SEL1L3: variants seen among roughly 807,000 people sequenced by gnomAD.
The protein encoded by SEL1L3 is protein sel-1 homolog 3.
In SEL1L3, 76 loss-of-function variants were observed where a neutral mutation model predicts 142.8. The ratio of observed to expected loss-of-function variants is 0.53; its 90% CI spans 0.44 to 0.64. SEL1L3 has a LOEUF of 0.64. SEL1L3 is among the 30% of genes least tolerant of loss of function. The pLI is 0.00. For synonymous variants in SEL1L3, 504 were observed against 519.6 expected (o/e 0.97, Z 0.41); for missense variants, 1,262 against 1,381.7 (o/e 0.91, Z 1.37).
intron 16 of SEL1L3, chr4:25,777,742 G>A (rs1320149895): frequency 4.5e-6 from 2 of 441,218 alleles, no homozygotes; most frequent in East Asian, 1.4e-4. Context: ...AAATAACAAT[G>A]ATAAAAAACT....
chr4:25,794,698 G>A (rs1185490988), intron 11 of SEL1L3, among the ~76,000 whole-genome samples: 3 of 152,132 alleles, frequency 2.0e-5, no homozygotes, highest in Admixed American at 6.6e-5. Context: ...ATTTGACCCA[G>A]CAATCCCATT....
At chr4:25,776,050 G>A (rs1719593417) in intron 17 of SEL1L3, among the ~76,000 whole-genome samples, 1 of 152,234 alleles carries the variant, frequency 6.6e-6, no homozygotes, top group Non-Finnish European at 1.5e-5. Flanking sequence ...TCAACTTGAT[G>A]AGTGTGAACA....
downstream of SEL1L3, among the ~76,000 whole-genome samples, chr4:25,743,152 A>T (rs1442270344): frequency 1.3e-5 from 2 of 152,236 alleles, no homozygotes; most frequent in Non-Finnish European, 2.9e-5. Context: ...CAACAATGAA[A>T]GCCCAGTTTT....
chr4:25,730,334 A>G, the SEL1L3 span, among the ~76,000 whole-genome samples: 1 of 151,988 alleles, frequency 6.6e-6, no homozygotes, highest in Non-Finnish European at 1.5e-5. Context: ...TTGTCTATGA[A>G]CTAACTTTTA....
At chr4:25,856,345 T>C (rs1323186004) in intron 1 of SEL1L3, among the ~76,000 whole-genome samples, 1 of 151,936 alleles carries the variant, frequency 6.6e-6, no homozygotes, top group African/African-American at 2.4e-5. Flanking sequence ...AGCAAGATAT[T>C]TGGGGTGAAG....
chr4:25,786,081 C>T (rs560462014), intron 13 of SEL1L3, among the ~76,000 whole-genome samples: 2 of 152,270 alleles, frequency 1.3e-5, no homozygotes, highest in South Asian at 4.1e-4. Context: ...TAACTATCCA[C>T]TGAGTGAATG....
chr4:25,845,676 T>A (rs1716461135), intron 2 of SEL1L3, among the ~76,000 whole-genome samples: 2 of 150,870 alleles, frequency 1.3e-5, no homozygotes, highest in East Asian at 3.9e-4. Context: ...CCAACAGAAA[T>A]CACATCCCAG....
At chr4:25,812,174 C>T (rs2109242096) in intron 9 of SEL1L3, among the ~76,000 whole-genome samples, 1 of 152,178 alleles carries the variant, frequency 6.6e-6, no homozygotes, top group South Asian at 2.1e-4. Context: ...TATGACCACA[C>T]ATGGCGTGTT....
At chr4:25,829,959 C>G (rs944237293) in intron 6 of SEL1L3, 139 bp downstream of exon 6, 1 of 632,152 alleles carries the variant, frequency 1.6e-6, no homozygotes, top group Non-Finnish European at 2.8e-6. Flanking sequence ...CAAAGACTAG[C>G]TACAGGGCAG....
intron 20 of SEL1L3, among the ~76,000 whole-genome samples, chr4:25,765,031 G>A (rs1208887612): frequency 6.6e-6 from 1 of 152,110 alleles, no homozygotes; most frequent in Non-Finnish European, 1.5e-5. Context: ...GTCTTGCTCT[G>A]TCACCCAGGC....
chr4:25,797,635 C>T (rs955260099), intron 11 of SEL1L3, among the ~76,000 whole-genome samples: 1 of 152,154 alleles, frequency 6.6e-6, no homozygotes, highest in African/African-American at 2.4e-5. Flanking sequence ...CCATCAAGAA[C>T]GAAACACGGG....
chr4:25,828,722 T>C (rs1302480151), intron 6 of SEL1L3, among the ~76,000 whole-genome samples: 3 of 152,080 alleles, frequency 2.0e-5, no homozygotes, highest in Non-Finnish European at 4.4e-5. Context: ...AAGTAGCATA[T>C]ATGGCCCTCT....
downstream of SEL1L3, among the ~76,000 whole-genome samples, chr4:25,742,877 G>A (rs1717160215): frequency 6.6e-6 from 1 of 152,126 alleles, no homozygotes; most frequent in African/African-American, 2.4e-5. Context: ...GACTACCAGA[G>A]TACCGCTTCC....
At chr4:25,794,858 T>G (rs1712602596) in intron 11 of SEL1L3, among the ~76,000 whole-genome samples, 1 of 152,092 alleles carries the variant, frequency 6.6e-6, no homozygotes, top group Non-Finnish European at 1.5e-5. Flanking sequence ...ATATACACCA[T>G]GAAATACTAT....
intron 9 of SEL1L3, among the ~76,000 whole-genome samples, chr4:25,810,066 G>T (rs762849607): frequency 6.6e-6 from 1 of 152,218 alleles, no homozygotes; most frequent in Non-Finnish European, 1.5e-5. Flanking sequence ...TGAAAGGGGC[G>T]CAGATGGTGT....
chr4:25,761,292 A>G lies in SEL1L3; in HGVS notation c.2956-2224T>C, dbSNP rs564448183. 3.9e-5 allele frequency among the ~76,000 whole-genome samples: 6 copies of G among 152,208 alleles called. No homozygotes were observed. The South Asian group carries it at 1.0e-3, about 26-fold the overall frequency. ...TGCCTCAGCCTCCTGAGTAGCTGGG[A>G]TTACAGGTGCCCACAGCCACGCATG... is the stretch of plus-strand genomic sequence containing the variant. On this transcript the variant is annotated intron_variant, in intron 20 of 23. Transcript: ENST00000399878.
At chr4:25,854,541 G>A (rs1560362034) in intron 1 of SEL1L3, among the ~76,000 whole-genome samples, 1 of 152,234 alleles carries the variant, frequency 6.6e-6, no homozygotes, top group Non-Finnish European at 1.5e-5. Context: ...GCCTTCCAAA[G>A]TGCTGGGATT....
chr4:25,834,279 T>G (rs960735253), intron 3 of SEL1L3, among the ~76,000 whole-genome samples: 2 of 152,200 alleles, frequency 1.3e-5, no homozygotes, highest in Non-Finnish European at 2.9e-5. Flanking sequence ...AGATATGTGA[T>G]CCATCAATCA....
chr4:25,766,836 C>T (rs757098016), intron 19 of SEL1L3, among the ~76,000 whole-genome samples: 1 of 152,160 alleles, frequency 6.6e-6, no homozygotes, highest in Non-Finnish European at 1.5e-5. Context: ...CCTCTTATTG[C>T]CTGAAAGGAA....
Sources: allele counts gnomAD v4.1 joint callset (sites outside exome capture counted in the v4.1 genomes callset), GRCh38; gene constraint gnomAD v4.1.1; transcripts MANE v1.5; gene names NCBI Gene and HGNC (gene_info 2026-07-23, HGNC 2026-07-21).